The following TENM3 variants were observed in gnomAD, a reference collection of about 807,000 sequenced individuals.
The protein encoded by TENM3 is teneurin transmembrane protein 3.
In TENM3, 63 loss-of-function variants were observed where a neutral mutation model predicts 255.1. The ratio of observed to expected loss-of-function variants is 0.25; its 90% CI spans 0.20 to 0.30. The LOEUF is 0.30. TENM3 is among the 10% of genes least tolerant of loss of function. The pLI is 1.00. For missense variants in TENM3, 2,929 were observed against 3,461.1 expected, an observed-to-expected ratio of 0.85 and a Z score of 3.86; for synonymous variants, 1,306 against 1,322.3, an observed-to-expected ratio of 0.99 and a Z score of 0.27.
chr4:182,464,060 C>T (rs1183302700), intron 3 of TENM3, among the ~76,000 whole-genome samples: 10 of 152,224 alleles, frequency 6.6e-5, no homozygotes, highest in African/African-American at 2.4e-4. Context: ...GAAATTGCTA[C>T]ACTTTTATAA....
intron 2 of TENM3, among the ~76,000 whole-genome samples, chr4:182,327,168 A>T (rs1158503174): frequency 6.6e-6 from 1 of 152,200 alleles, no homozygotes; most frequent in Non-Finnish European, 1.5e-5. Context: ...ACGGACTATT[A>T]TGCTATGGGA....
At chr4:181,679,942 G>A in the TENM3 span, among the ~76,000 whole-genome samples, 6 of 152,066 alleles carry the variant, frequency 3.9e-5, no homozygotes, top group Non-Finnish European at 5.9e-5. Context: ...TCTCCTGGCT[G>A]GCTTGACTGA....
chr4:181,854,446 GC>G, the TENM3 span, among the ~76,000 whole-genome samples: 3 of 152,142 alleles, frequency 2.0e-5, no homozygotes, highest in African/African-American at 7.2e-5. Flanking sequence ...CAGCAAATGT[GC>G]CAAACTACGG....
intron 6 of TENM3, among the ~76,000 whole-genome samples, chr4:182,669,268 T>TTTTTTTG (rs1754993236): frequency 1.3e-5 from 2 of 150,876 alleles, no homozygotes; most frequent in South Asian, 4.2e-4. Context: ...ATGTCACGTT[T>TTTTTTTG]TTTTTGTTTT....
chr4:181,506,797 A>G, the TENM3 span, among the ~76,000 whole-genome samples: 1 of 151,828 alleles, frequency 6.6e-6, no homozygotes, highest in Non-Finnish European at 1.5e-5. Flanking sequence ...AAAAGAAAGA[A>G]GTTACTCTTT....
chr4:182,550,511 A>G (rs1376218779), intron 3 of TENM3, among the ~76,000 whole-genome samples: 2 of 152,146 alleles, frequency 1.3e-5, no homozygotes, highest in Middle Eastern at 6.3e-3. Context: ...TGTTAATTTC[A>G]ACATCTGGTG....
chr4:181,925,250 G>A, the TENM3 span, among the ~76,000 whole-genome samples: 6 of 152,298 alleles, frequency 3.9e-5, no homozygotes, highest in East Asian at 1.2e-3. Context: ...TCTTAGCAAA[G>A]TATCATAGCA....
At chr4:182,614,467 T>G (rs1749288871) in intron 4 of TENM3, among the ~76,000 whole-genome samples, 1 of 152,160 alleles carries the variant, frequency 6.6e-6, no homozygotes, top group Non-Finnish European at 1.5e-5. Flanking sequence ...ATAATGAATT[T>G]TAGTTTATTA....
the TENM3 span, among the ~76,000 whole-genome samples, chr4:181,829,457 A>T: frequency 9.3e-4 from 142 of 152,314 alleles, 1 homozygote; most frequent in African/African-American, 3.2e-3. Context: ...AAATTGCAAT[A>T]GTTTGGGGTT....
the TENM3 span, chr4:182,079,602 T>C: frequency 2.0e-5 from 3 of 152,144 alleles, no homozygotes; most frequent in Non-Finnish European, 2.9e-5. Context: ...TTCAGAGAGA[T>C]GTTTAGCTGA....
the TENM3 span, among the ~76,000 whole-genome samples, chr4:181,800,565 G>A: frequency 6.6e-6 from 1 of 152,252 alleles, no homozygotes; most frequent in East Asian, 1.9e-4. Flanking sequence ...CCCGGGAGGT[G>A]GAGGTTGCAG....
At chr4:182,222,569 G>T (rs1409426237) in intron 1 of TENM3, among the ~76,000 whole-genome samples, 1 of 152,184 alleles carries the variant, frequency 6.6e-6, no homozygotes, top group African/African-American at 2.4e-5. Context: ...AGATGGGATT[G>T]TACCTTGGTT....
the TENM3 span, among the ~76,000 whole-genome samples, chr4:181,654,743 A>C: frequency 1.4e-5 from 2 of 145,998 alleles, no homozygotes; most frequent in African/African-American, 5.0e-5. Context: ...AATAAGAGTG[A>C]AACTCCATCT....
chr4:182,104,182 C>T, the TENM3 span, among the ~76,000 whole-genome samples: 3 of 152,180 alleles, frequency 2.0e-5, no homozygotes, highest in Non-Finnish European at 4.4e-5. Context: ...GGGATGCACA[C>T]CATCAGCTCC....
At chr4:181,542,248 G>A in the TENM3 span, among the ~76,000 whole-genome samples, 1 of 152,156 alleles carries the variant, frequency 6.6e-6, no homozygotes, top group Admixed American at 6.5e-5. Context: ...AGGGAAAAAC[G>A]TGACCCAGAA....
chr4:181,949,849 G>T, the TENM3 span, among the ~76,000 whole-genome samples: 1 of 152,010 alleles, frequency 6.6e-6, no homozygotes, highest in Non-Finnish European at 1.5e-5. Flanking sequence ...TGTGCCAAGT[G>T]ACCTCTGACC....
At chr4:181,648,333 T>C in the TENM3 span, among the ~76,000 whole-genome samples, 6 of 152,174 alleles carry the variant, frequency 3.9e-5, no homozygotes, top group Non-Finnish European at 7.3e-5. Context: ...TCGGGTTTCC[T>C]AAAAAGGGTT....
chr4:181,933,843 T>TTAGC, the TENM3 span, among the ~76,000 whole-genome samples: 1 of 152,110 alleles, frequency 6.6e-6, no homozygotes, highest in African/African-American at 2.4e-5. Context: ...GAATAGTTAG[T>TTAGC]TGCATTCAAT....
chr4:181,857,717 C>T, the TENM3 span, among the ~76,000 whole-genome samples: 3 of 151,902 alleles, frequency 2.0e-5, no homozygotes. Flanking sequence ...GAGATCACAC[C>T]ACTGCACTCC....
Sources: gnomAD v4.1 joint callset for allele counts (sites outside exome capture counted in the v4.1 genomes callset) on GRCh38, gnomAD v4.1.1 for gene constraint, MANE v1.5 for transcripts, NCBI Gene and HGNC (gene_info 2026-07-23, HGNC 2026-07-21) for gene names.